MGA: variants seen among roughly 807,000 people sequenced by gnomAD.
MGA encodes the protein MAX dimerization protein MGA, also known as MAX gene-associated protein.
In MGA, 40 loss-of-function variants were observed where a neutral mutation model predicts 261.1. The observed-to-expected ratio is 0.15, with a 90% CI of 0.12 to 0.20. The LOEUF (loss-of-function observed/expected upper bound fraction) is 0.20, where lower values mean the gene tolerates loss of function less well. Ranked by LOEUF, MGA falls within the 10% of genes least tolerant of loss-of-function variation. MGA has a pLI of 1.00. For synonymous variants in MGA, 1,302 were observed against 1,290.6 expected (o/e 1.01, Z -0.19); for missense variants, 3,397 against 3,630.5 (o/e 0.94, Z 1.65).
rs749143396 is a variant in MGA at position 41,766,741 on chromosome 15, T to C, written c.8659T>C (p.Leu2887=). The C allele has an allele frequency of 1.9e-6, 3 of 1,613,676 alleles. No homozygotes were observed. The highest frequency in any genetic ancestry group is 2.5e-6 in the Non-Finnish European group (3 of 1,179,864). Reference sequence around the variant, plus strand: ...GCACTTGGGAACTGGTTTGAAAGAGTTGCCTGATGTTCAAGGGGAGAGTGA... The same window carrying C: ...GCACTTGGGAACTGGTTTGAAAGAGCTGCCTGATGTTCAAGGGGAGAGTGA... The change falls in exon 24 of 24, where the codon TTG becomes CTG. Residue 2887 remains leucine, a synonymous_variant. Transcript: ENST00000219905.
intron 2 of MGA, among the ~76,000 whole-genome samples, chr15:41,670,752 C>T (rs770456791): frequency 1.3e-5 from 2 of 152,092 alleles, no homozygotes; most frequent in African/African-American, 2.4e-5. Context: ...ATGATCTGCC[C>T]GCCTCGGCCT....
At position 41,696,078 on chromosome 15, in the gene MGA, T is replaced by G; in HGVS notation, c.1068T>G (p.Leu356=). The G allele has an allele frequency of 6.2e-7, 1 of 1,604,968 alleles. No homozygotes were observed. The highest frequency in any genetic ancestry group is 8.5e-7 in the Non-Finnish European group (1 of 1,174,534). Residue 356 remains leucine (L), a synonymous_variant, in exon 3 of 24, where the codon CTT becomes CTG. Transcript: ENST00000219905. ...CCTTTCTCCTCTCTCTCTCCAGTCT[T>G]ATTGCCAGCAGTTTTGAAGATGACT...
rs143889198 is a variant in MGA, at chr15:41,748,336, T to A, written c.5213-301T>A. 7.9e-5 allele frequency among the ~76,000 whole-genome samples: 12 copies of A among 152,050 alleles called. No individual in the cohort carries two copies. The East Asian group carries it at 1.9e-3, about 24-fold the overall frequency. On this transcript the variant is annotated intron_variant, in intron 15 of 23. Transcript: ENST00000219905. ...GGGAGGCCGAGAACGGCAGATCACTTGAGGTCAGGGGTTTGAGACCAGCCT... is the reference window on the plus strand; with the variant it reads ...GGGAGGCCGAGAACGGCAGATCACTAGAGGTCAGGGGTTTGAGACCAGCCT...
intron 1 of MGA, among the ~76,000 whole-genome samples, chr15:41,639,492 G>A (rs1300498244): frequency 1.3e-5 from 2 of 150,874 alleles, no homozygotes; most frequent in Admixed American, 1.3e-4. Flanking sequence ...AATTAGCTCG[G>A]CACAGGAGTC....
intron 1 of MGA, among the ~76,000 whole-genome samples, chr15:41,640,129 A>C (rs944486721): frequency 3.3e-5 from 5 of 152,136 alleles, no homozygotes; most frequent in African/African-American, 1.2e-4. Flanking sequence ...CAATAGGAGG[A>C]GATTAGGGAG....
chr15:41,698,488 A>G (rs2059665183), intron 3 of MGA, among the ~76,000 whole-genome samples: 2 of 152,140 alleles, frequency 1.3e-5, no homozygotes, highest in South Asian at 4.1e-4. Flanking sequence ...GACTACACAG[A>G]TGTTGGATAT....
intron 15 of MGA, among the ~76,000 whole-genome samples, chr15:41,743,931 C>A (rs1023009550): frequency 6.6e-6 from 1 of 152,074 alleles, no homozygotes; most frequent in Non-Finnish European, 1.5e-5. Context: ...TATCCAGATG[C>A]AACTAGCTAA....
rs181528637 is a variant in MGA at position 41,740,176 on chromosome 15, G to A, written c.4558G>A (p.Ala1520Thr). The A allele has an allele frequency of 6.8e-6, 11 of 1,613,950 alleles. No homozygotes were observed. The highest frequency in any genetic ancestry group is 1.6e-4 in the Middle Eastern group (1 of 6,062). ...AAATCGCCCTGGGAAGAATCTGAAGGCGTTTGTCCCAGCAAAACGGCCAAT... is the reference window on the plus strand; with the variant it reads ...AAATCGCCCTGGGAAGAATCTGAAGACGTTTGTCCCAGCAAAACGGCCAAT... The change falls in exon 14 of 24, where the codon GCG becomes ACG. Residue 1520 changes from alanine (A) to threonine (T), a missense_variant. Physicochemically the swap from Ala to Thr is moderately conservative, Grantham distance 58. Around this residue, in one of 9 missense-constraint regions of MGA, gnomAD observed 1,410 missense variants for 1,386.4 expected, o/e 1.02. Transcript: ENST00000219905.
intron 9 of MGA, among the ~76,000 whole-genome samples, chr15:41,721,955 C>G (rs1213701605): frequency 1.3e-5 from 2 of 151,982 alleles, no homozygotes; most frequent in African/African-American, 4.8e-5. Context: ...GAAGAATAAA[C>G]AGTAGTATGA....
In MGA at chr15:41,674,326, G is replaced by A. The variant is rs549568855; in HGVS notation, c.1064+4368G>A. 1.6e-4 allele frequency among the ~76,000 whole-genome samples: 24 copies of A among 151,958 alleles called. No individual in the cohort carries two copies. In the East Asian group the frequency reaches 4.7e-3, roughly 29 times the overall value. ...TTTTCCTGCCTCAGCCTCTGGGGTA[G>A]CTGGGATTACAGGTGCCTACCACCA... On this transcript the variant is annotated intron_variant, in intron 2 of 23. Coordinates refer to ENST00000219905, the MANE Select transcript of MGA (RefSeq NM_001164273.2).
At chr15:41,625,057 C>A (rs1234028580) in intron 1 of MGA, among the ~76,000 whole-genome samples, 1 of 152,006 alleles carries the variant, frequency 6.6e-6, no homozygotes, top group Non-Finnish European at 1.5e-5. Flanking sequence ...ATGGGAAGAT[C>A]ACTTGACCTC....
In MGA at chr15:41,747,972, A is replaced by G. The variant is rs117807256; in HGVS notation, c.5213-665A>G. On this transcript the variant is annotated intron_variant, in intron 15 of 23. Coordinates refer to ENST00000219905, the MANE Select transcript of MGA (RefSeq NM_001164273.2). ...GAAGCAAGGTCAGATTCTGTGCCTT[A>G]ATGACTGGGCATGGTGGCTCATGGC... 1.3e-4 allele frequency among the ~76,000 whole-genome samples: 20 copies of G among 152,326 alleles called. No individual in the cohort carries two copies. In the East Asian group the frequency reaches 3.7e-3, roughly 28 times the overall value.
intron 19 of MGA, among the ~76,000 whole-genome samples, chr15:41,759,790 GAT>G (rs908825953): frequency 2.6e-5 from 4 of 152,096 alleles, no homozygotes; most frequent in Admixed American, 6.6e-5. Flanking sequence ...TAAGAGGTGG[GAT>G]AAGTAATCTA....
At chr15:41,757,440 A>G (rs1376899439) in intron 18 of MGA, among the ~76,000 whole-genome samples, 4 of 152,186 alleles carry the variant, frequency 2.6e-5, no homozygotes, top group Non-Finnish European at 4.4e-5. Context: ...GGAGGTGCCT[A>G]TGTTATATGC....
At chr15:41,630,353 A>C (rs1488236024) in intron 1 of MGA, among the ~76,000 whole-genome samples, 1 of 152,124 alleles carries the variant, frequency 6.6e-6, no homozygotes, top group Non-Finnish European at 1.5e-5. Context: ...CAAAATACAA[A>C]ATCAGTTGGC....
At chr15:41,626,621 C>T (rs537054487) in intron 1 of MGA, among the ~76,000 whole-genome samples, 29 of 152,182 alleles carry the variant, frequency 1.9e-4, no homozygotes, top group African/African-American at 6.7e-4. Context: ...CGGACTTTCT[C>T]CACATTGGTC....
At chr15:41,626,208 T>G (rs1376621608) in intron 1 of MGA, among the ~76,000 whole-genome samples, 2 of 151,996 alleles carry the variant, frequency 1.3e-5, no homozygotes, top group Non-Finnish European at 2.9e-5. Flanking sequence ...AAAAGATAAA[T>G]ATCAAACGTA....
rs564809152 is a variant in MGA, at chr15:41,668,430, C to A, written c.-67-398C>A. ...AATTTACTCATCACTGGGGAACTTG[C>A]TATATAAAGGAATCTTCTGGTAAAT... On this transcript the variant is annotated intron_variant, in intron 1 of 23. Coordinates refer to ENST00000219905, the MANE Select transcript of MGA (RefSeq NM_001164273.2). Among the ~76,000 whole-genome samples, 11 of 152,164 alleles carry A rather than the reference C, an allele frequency of 7.2e-5. No individual in the cohort carries two copies. The East Asian group carries it at 1.5e-3, about 21-fold the overall frequency.
At chr15:41,737,465 A>G (rs1431547576) in intron 13 of MGA, among the ~76,000 whole-genome samples, 1 of 151,886 alleles carries the variant, frequency 6.6e-6, no homozygotes, top group Non-Finnish European at 1.5e-5. Context: ...GAAAATTTTA[A>G]TTTAGTAAGG....
Sources: gnomAD v4.1 joint callset for allele counts (sites outside exome capture counted in the v4.1 genomes callset) on GRCh38, gnomAD v4.1.1 for gene constraint, gnomAD v4.1.1 regional missense constraint, MANE v1.5 for transcripts, NCBI Gene and HGNC (gene_info 2026-07-23, HGNC 2026-07-21) for gene names.